TRAPPC13: variants seen among roughly 807,000 people sequenced by gnomAD.
TRAPPC13 encodes REV7-interacting novel NHEJ regulator 1.
In TRAPPC13, 39 loss-of-function variants were observed where a neutral mutation model predicts 54.0. The observed-to-expected ratio is 0.72, with a 90% CI of 0.56 to 0.94. TRAPPC13 has a LOEUF of 0.94. TRAPPC13 is among the 40% of genes least tolerant of loss of function. The pLI is 0.00. For synonymous variants in TRAPPC13, 148 were observed against 167.7 expected (o/e 0.88, Z 0.91); for missense variants, 386 against 488.1 (o/e 0.79, Z 1.97).
intron 11 of TRAPPC13, chr5:65,663,949 G>A (rs922802955): frequency 5.1e-5 from 15 of 295,712 alleles, no homozygotes; most frequent in Non-Finnish European, 9.3e-5. Flanking sequence ...AAAAATGGTA[G>A]CACCAGATCA....
intron 1 of TRAPPC13, among the ~76,000 whole-genome samples, chr5:65,629,031 TAGA>T: frequency 6.6e-6 from 1 of 152,232 alleles, no homozygotes; most frequent in Admixed American, 6.5e-5. Flanking sequence ...CATGTTGGAT[TAGA>T]ATTTACAGTG....
At chr5:65,661,907 AGTAAAGT>A (rs1756863479) in intron 10 of TRAPPC13, 136 bp from the exon 11 acceptor site, 10 of 541,080 alleles carry the variant, frequency 1.8e-5, no homozygotes, top group Middle Eastern at 2.7e-4. Context: ...ATGAGAGACA[AGTAAAGT>A]GAATCAGAAG....
At chr5:65,641,931 A>G (rs246366) in intron 4 of TRAPPC13, among the ~76,000 whole-genome samples, 36,673 of 150,968 alleles carry the variant, frequency 0.24, 4,777 homozygotes, top group Non-Finnish European at 0.3. Flanking sequence ...AAGGGTGTCA[A>G]TTTTGTTAAG....
chr5:65,637,447 T>A (rs1035184499), intron 3 of TRAPPC13, among the ~76,000 whole-genome samples: 3 of 151,888 alleles, frequency 2.0e-5, no homozygotes, highest in African/African-American at 7.3e-5. Flanking sequence ...ATGGCTAACA[T>A]GGTGAAACCC....
At chr5:65,647,025 C>G (rs928032250) in intron 4 of TRAPPC13, 30 bp from the exon 5 acceptor site, 13 of 1,408,758 alleles carry the variant, frequency 9.2e-6, no homozygotes, top group Non-Finnish European at 1.2e-5. Flanking sequence ...CTCATTTGGA[C>G]TTTTTTTTTT....
intron 1 of TRAPPC13, chr5:65,630,489 C>T (rs1755495154): frequency 1.5e-6 from 2 of 1,355,378 alleles, no homozygotes; most frequent in African/African-American, 2.9e-5. Flanking sequence ...CTGAGTTCTG[C>T]TTATTGGCAG....
At chr5:65,645,214 A>AAAAAAAC (rs1756139932) in intron 4 of TRAPPC13, among the ~76,000 whole-genome samples, 1 of 151,514 alleles carries the variant, frequency 6.6e-6, no homozygotes, top group Non-Finnish European at 1.5e-5. Context: ...AAAAAAAAAA[A>AAAAAAAC]GAATTTTGAA....
intron 4 of TRAPPC13, among the ~76,000 whole-genome samples, chr5:65,644,923 G>C (rs891527756): frequency 1.3e-5 from 2 of 151,168 alleles, no homozygotes; most frequent in African/African-American, 4.9e-5. Context: ...AGGGCTGGGC[G>C]CGGTGGCTCA....
intron 4 of TRAPPC13, among the ~76,000 whole-genome samples, chr5:65,639,081 C>T (rs1488363904): frequency 6.6e-6 from 1 of 151,990 alleles, no homozygotes. Flanking sequence ...GAGTAATACT[C>T]CATCCCCCAA....
chr5:65,627,131 C>CAAAAAAAAAAAA lies in TRAPPC13; in HGVS notation c.46+2040_46+2051dup, dbSNP rs60169195. Among the ~76,000 whole-genome samples, 141 of 32,572 alleles carry CAAAAAAAAAAAA rather than the reference C, an allele frequency of 4.3e-3. 20 individuals carry two copies. Among genetic ancestry groups the CAAAAAAAAAAAA allele is most frequent in the Non-Finnish European group, 6.8e-3 (105 of 15,522 alleles). 21.4% of individuals were successfully genotyped at this position (32,572 alleles called of 152,430 possible). A position where few individuals can be genotyped will look rare whatever the true frequency, so the allele number is the denominator to read the frequency against. On this transcript the variant is annotated intron_variant, in intron 1 of 12. Coordinates refer to ENST00000399438, the MANE Select transcript of TRAPPC13 (RefSeq NM_024941.4). ...TGGGTGACAGAGTGAGACCCTGTCT[C>CAAAAAAAAAAAA]AAAAAAAAAAAAAAAAAAAAAAAAA...
intron 1 of TRAPPC13, chr5:65,630,118 C>T (rs1394524439): frequency 1.3e-6 from 2 of 1,536,050 alleles, no homozygotes; most frequent in Admixed American, 3.9e-5. Flanking sequence ...CTATTTGTAA[C>T]AGCCAAACTC....
chr5:65,648,331 T>C (rs1756288514), intron 5 of TRAPPC13, among the ~76,000 whole-genome samples: 1 of 152,236 alleles, frequency 6.6e-6, no homozygotes, highest in Non-Finnish European at 1.5e-5. Context: ...TCCCACTTTT[T>C]GTATCTTCTA....
chr5:65,643,749 A>G (rs1176687351), intron 4 of TRAPPC13, among the ~76,000 whole-genome samples: 2 of 150,042 alleles, frequency 1.3e-5, no homozygotes, highest in Admixed American at 6.7e-5. Context: ...CCCGGGAGGC[A>G]GAGCTTGCAG....
chr5:65,634,293 C>T (rs1755665280), intron 1 of TRAPPC13, among the ~76,000 whole-genome samples: 1 of 151,998 alleles, frequency 6.6e-6, no homozygotes. Flanking sequence ...CCACTCCCAG[C>T]AATTTCTTTA....
intron 1 of TRAPPC13, among the ~76,000 whole-genome samples, chr5:65,629,203 G>A (rs1040697144): frequency 8.6e-5 from 13 of 151,968 alleles, no homozygotes; most frequent in Admixed American, 2.0e-4. Flanking sequence ...ATACTTCCAA[G>A]TCCTTTATAT....
chr5:65,648,538 A>G (rs554347460), intron 5 of TRAPPC13, among the ~76,000 whole-genome samples: 45 of 152,296 alleles, frequency 3.0e-4, no homozygotes, highest in African/African-American at 1.1e-3. Flanking sequence ...GACTTGTACA[A>G]TTAAGCAGCT....
intron 1 of TRAPPC13, chr5:65,634,913 AC>A: frequency 3.6e-6 from 3 of 836,418 alleles, no homozygotes; most frequent in Non-Finnish European, 4.2e-6. Flanking sequence ...AAAACAAAAA[AC>A]ACTTACTGAG....
intron 3 of TRAPPC13, 141 bp downstream of exon 3, chr5:65,636,184 C>T: frequency 1.7e-6 from 1 of 591,332 alleles, no homozygotes; most frequent in Admixed American, 3.0e-5. Flanking sequence ...CGCTCTATTG[C>T]CCAGGCTGGA....
At chr5:65,649,920 A>C (rs1174938907) in intron 5 of TRAPPC13, among the ~76,000 whole-genome samples, 3 of 148,862 alleles carry the variant, frequency 2.0e-5, no homozygotes, top group Non-Finnish European at 4.4e-5. Context: ...GCAGTGGCGC[A>C]ATCTCAGCTC....
Sources: gnomAD v4.1 joint callset for allele counts (sites outside exome capture counted in the v4.1 genomes callset) on GRCh38, gnomAD v4.1.1 for gene constraint, MANE v1.5 for transcripts, NCBI Gene and HGNC (gene_info 2026-07-23, HGNC 2026-07-21) for gene names.